MINK1: variants seen among roughly 807,000 people sequenced by gnomAD.
MINK1 encodes misshapen like kinase 1.
In MINK1, 46 loss-of-function variants were observed where a neutral mutation model predicts 178.4. The ratio of observed to expected loss-of-function variants is 0.26; its 90% confidence interval spans 0.20 to 0.33. The LOEUF is 0.33. MINK1 is among the 10% of genes least tolerant of loss of function. The pLI, the probability that MINK1 is intolerant of heterozygous loss-of-function variation, is 1.00. For missense variants in MINK1, 1,366 were observed against 1,814.9 expected, an observed-to-expected ratio of 0.75 and a Z score of 4.49; for synonymous variants, 797 against 709.7, an observed-to-expected ratio of 1.12 and a Z score of -1.96.
intron 1 of MINK1, among the ~76,000 whole-genome samples, chr17:4,834,437 G>A (rs1430983272): frequency 6.6e-6 from 1 of 152,184 alleles, no homozygotes; most frequent in Non-Finnish European, 1.5e-5. Flanking sequence ...CAGGCTGAAG[G>A]TTTGGAAAGG....
In MINK1 at chr17:4,896,858, A is replaced by G. The variant is rs1969558155; in HGVS notation, c.3915+45A>G. ...TGAAAGCCCTGCTGTCCCGGCTGCC[A>G]TGACCCTAGGCCCCTGGGCAGAGTT... On this transcript the variant is annotated intron_variant, in intron 31 of 31. Coordinates refer to ENST00000355280, the MANE Select transcript of MINK1 (RefSeq NM_153827.5). The surrounding 1 kb of genome is among the most constrained non-coding windows in gnomAD (Gnocchi z 4.6). 6.5e-7 allele frequency: 1 copy of G among 1,529,562 alleles called. No individual in the cohort carries two copies. The highest frequency in any genetic ancestry group is 8.8e-7 in the Non-Finnish European group (1 of 1,140,142). 94.7% of individuals were successfully genotyped at this position (1,529,562 alleles called of 1,614,324 possible).
At chr17:4,873,933 T>C (rs977917908) in intron 1 of MINK1, among the ~76,000 whole-genome samples, 3 of 152,044 alleles carry the variant, frequency 2.0e-5, no homozygotes, top group Non-Finnish European at 4.4e-5. Flanking sequence ...AGGTGGACTT[T>C]TTACACAATC....
chr17:4,873,737 G>T (rs886154386), intron 1 of MINK1, among the ~76,000 whole-genome samples: 2 of 149,588 alleles, frequency 1.3e-5, no homozygotes, highest in East Asian at 3.9e-4. Flanking sequence ...TCCTGCCTCA[G>T]CCTCCCAAGT....
At position 4,885,995 on chromosome 17, in the gene MINK1, G is replaced by A. The variant is rs761037282; in HGVS notation, c.694+30G>A. The A allele has an allele frequency of 2.5e-6, 4 of 1,613,358 alleles. No homozygotes were observed. Among genetic ancestry groups the A allele is most frequent in the Non-Finnish European group, 3.4e-6 (4 of 1,179,350 alleles). ...GTTCTGAGTCTGCCGGGAGTGGGAG[G>A]GGAGGGAAAGGAAGGGCCCAGAGAG... is the stretch of plus-strand genomic sequence containing the variant. On this transcript the variant is annotated intron_variant, in intron 8 of 31. Transcript: ENST00000355280. This position sits in a 1 kb window ranked among gnomAD's most constrained non-coding sequence, Gnocchi z 5.0.
chr17:4,878,209 T>C (rs2150979712), intron 1 of MINK1, 108 bp from the exon 2 acceptor site: 1 of 959,974 alleles, frequency 1.0e-6, no homozygotes, highest in Non-Finnish European at 1.6e-6. Flanking sequence ...CCTCCTGATA[T>C]GCTGGTCTTC....
intron 4 of MINK1, chr17:4,883,423 C>G (rs1967896732): frequency 6.6e-6 from 1 of 150,812 alleles, no homozygotes; most frequent in Non-Finnish European, 1.5e-5. Flanking sequence ...CCAGGATGGT[C>G]TCGAATTCCT....
intron 1 of MINK1, chr17:4,875,540 AG>A (rs567329851): frequency 8.9e-6 from 4 of 451,066 alleles, no homozygotes; most frequent in South Asian, 6.3e-5. Flanking sequence ...TGGGAGGCTG[AG>A]GTGGGTGGAT....
chr17:4,894,161 C>G lies in MINK1; in HGVS notation c.2671-13C>G, dbSNP rs1454626106. The G allele has an allele frequency of 6.8e-6, 11 of 1,613,512 alleles. No homozygotes were observed. Among genetic ancestry groups the G allele is most frequent in the Non-Finnish European group, 8.5e-6 (10 of 1,179,684 alleles). On this transcript the variant is annotated splice_polypyrimidine_tract_variant and intron_variant, in intron 22 of 31. Coordinates refer to ENST00000355280, the MANE Select transcript of MINK1 (RefSeq NM_153827.5). This position sits in a 1 kb window ranked among gnomAD's most constrained non-coding sequence, Gnocchi z 4.1. ...TCCTCAGCCCCACGCCAACCCTGCC[C>G]TCTGTCCTGTAGACCCCTGAAGAGG...
Position 4,889,746 on chromosome 17 carries a change from C to A in MINK1, c.1330C>A (p.Gln444Lys). The stretch of plus-strand genomic sequence containing the variant: ...TCTGCGGCGGGAGGAGGAGCGGCGG[C>A]AGGCGGAGCGCGAGCAGGTAGAGCG... The part of the protein sequence containing the change: ...QALRREEERR[Q>K]AEREQEYKRK... The change falls in exon 13 of 32, where the codon CAG becomes AAG. Residue 444 changes from glutamine (Q) to lysine (K), a missense_variant. Around this residue, in one of 14 missense-constraint regions of MINK1, gnomAD observed 87 missense variants for 78.9 expected, o/e 1.10. Coordinates refer to ENST00000355280, the MANE Select transcript of MINK1 (RefSeq NM_153827.5). 6.5e-7 allele frequency: 1 copy of A among 1,541,976 alleles called. No homozygotes were observed. Among genetic ancestry groups the A allele is most frequent in the Non-Finnish European group, 8.7e-7 (1 of 1,146,806 alleles).
At chr17:4,891,804 A>G (rs1212705565) in intron 16 of MINK1, 88 bp downstream of exon 16, 1 of 1,471,330 alleles carries the variant, frequency 6.8e-7, no homozygotes, top group Admixed American at 2.3e-5. Context: ...ACATGGAGGA[A>G]GAGTGCAGGG....
At position 4,834,958 on chromosome 17, in the gene MINK1, G is replaced by GT. The variant is rs551688577; in HGVS notation, c.57+1326dup. 253 of 434,850 alleles carry GT rather than the reference G, an allele frequency of 5.8e-4. 1 individual carries two copies. The highest frequency in any genetic ancestry group is 4.8e-3 in the African/African-American group (238 of 49,142). The allele number at this position is 434,850 out of a possible 1,614,324, so 26.9% of individuals were successfully genotyped here. On this transcript the variant is annotated intron_variant, in intron 1 of 31. Coordinates refer to ENST00000355280, the MANE Select transcript of MINK1 (RefSeq NM_153827.5). Reference sequence around the variant, plus strand: ...TAATTGGGTTTCTCTAGGTGACACAGTTTTTTTTCTTCCCATTTTCAGGTC... The same window carrying GT: ...TAATTGGGTTTCTCTAGGTGACACAGTTTTTTTTTCTTCCCATTTTCAGGTC...
rs397857604 is a variant in MINK1 at position 4,859,788 on chromosome 17, CAAAAAAAAAAAAA to C, written c.58-18514_58-18502del. 4.3e-3 allele frequency among the ~76,000 whole-genome samples: 224 copies of C among 51,910 alleles called. 1 individual carries two copies. Among genetic ancestry groups the C allele is most frequent in the African/African-American group, 0.022 (207 of 9,324 alleles). 34.1% of individuals were successfully genotyped at this position (51,910 alleles called of 152,430 possible). On this transcript the variant is annotated intron_variant, in intron 1 of 31. Coordinates refer to ENST00000355280, the MANE Select transcript of MINK1 (RefSeq NM_153827.5). ...GGGTGACAAGAGCGAAACTCCATCT[CAAAAAAAAAAAAA>C]AAAAAAAAAAAAAAGATGCTGGCTA... is the stretch of plus-strand genomic sequence containing the variant.
Position 4,894,574 on chromosome 17 carries a change from T to C in MINK1, c.2858T>C (p.Met953Thr), listed in dbSNP as rs377018493. ...GCCCCTGGCAAGAGCTCGTTCACGA[T>C]GTTTGTGGATCTAGGGATCTACCAG... ...VKAPGKSSFT[M>T]FVDLGIYQPG... The change falls in exon 24 of 32, where the codon ATG becomes ACG. Residue 953 changes from methionine to threonine, a missense_variant. Met to Thr is a moderately conservative substitution (Grantham distance 81). Around this residue, in one of 14 missense-constraint regions of MINK1, gnomAD observed 709 missense variants for 692.3 expected, o/e 1.02. Transcript: ENST00000355280. This position sits in a 1 kb window ranked among gnomAD's most constrained non-coding sequence, Gnocchi z 4.1. The C allele has an allele frequency of 2.5e-6, 4 of 1,609,612 alleles. No individual in the cohort carries two copies. The highest frequency in any genetic ancestry group is 2.2e-5 in the South Asian group (2 of 90,018).
At chr17:4,889,418 G>C (rs760793780) in intron 12 of MINK1, among the ~76,000 whole-genome samples, 10 of 152,138 alleles carry the variant, frequency 6.6e-5, no homozygotes, top group Non-Finnish European at 1.2e-4. Context: ...CCACCCCACA[G>C]GCAGCAGTCA....
In MINK1 at chr17:4,890,945, T is replaced by A. The variant is rs1007030751; in HGVS notation, c.1567-6T>A. 4 of 1,553,522 alleles carry A rather than the reference T, an allele frequency of 2.6e-6. No individual in the cohort carries two copies. In the African/African-American group the frequency reaches 4.1e-5, roughly 16 times the overall value. On this transcript the variant is annotated splice_region_variant and splice_polypyrimidine_tract_variant and intron_variant, in intron 14 of 31. Coordinates refer to ENST00000355280, the MANE Select transcript of MINK1 (RefSeq NM_153827.5). ...CTGGCCTGCTTGACATCCCTTCACATCACAGGTAGAAGAGAGAACAAGGAT... is the reference window on the plus strand; with the variant it reads ...CTGGCCTGCTTGACATCCCTTCACAACACAGGTAGAAGAGAGAACAAGGAT...
At chr17:4,845,473 A>C (rs1374539328) in intron 1 of MINK1, among the ~76,000 whole-genome samples, 1 of 152,042 alleles carries the variant, frequency 6.6e-6, no homozygotes, top group African/African-American at 2.4e-5. Flanking sequence ...AGATCATAGA[A>C]TGTAACAGCA....
intron 1 of MINK1, chr17:4,847,117 A>C (rs1380186570): frequency 4.3e-6 from 2 of 460,784 alleles, no homozygotes; most frequent in Non-Finnish European, 8.8e-6. Flanking sequence ...AAGAGCTGTC[A>C]GTGGGAGGCC....
In MINK1 at chr17:4,893,538, C is replaced by G. The variant is rs199901826; in HGVS notation, c.2505C>G (p.Asp835Glu). The G allele has an allele frequency of 2.8e-5, 45 of 1,593,954 alleles. No homozygotes were observed. The highest frequency in any genetic ancestry group is 3.8e-5 in the Non-Finnish European group (44 of 1,165,650). Reference sequence around the variant, plus strand: ...GCGAGGAGGTGGAAAGCAGTGAGGACGACGAGGAGGAAGGCGAAGGCGGGC... The same window carrying G: ...GCGAGGAGGTGGAAAGCAGTGAGGAGGACGAGGAGGAAGGCGAAGGCGGGC... Reference protein sequence around the residue: ...SSSEEVESSEDDEEEGEGGPA... With the variant: ...SSSEEVESSEEDEEEGEGGPA... The change falls in exon 21 of 32, where the codon GAC (aspartate) becomes GAG (glutamate). Residue 835 changes from aspartate (D) to glutamate (E), a missense_variant. Physicochemically the swap from Asp to Glu is conservative, Grantham distance 45. This residue lies in a region of MINK1 where 709 missense variants were observed against 692.3 expected (regional missense o/e 1.02). Transcript: ENST00000355280.
intron 1 of MINK1, chr17:4,854,772 G>T: frequency 2.0e-6 from 1 of 495,342 alleles, no homozygotes; most frequent in South Asian, 1.5e-5. Flanking sequence ...GATAGACAGA[G>T]GACAAGTACT....
Sources: allele counts gnomAD v4.1 joint callset (sites outside exome capture counted in the v4.1 genomes callset), GRCh38; gene constraint gnomAD v4.1.1; regional missense constraint gnomAD v4.1.1; non-coding constraint Gnocchi (gnomAD v3.1); transcripts MANE v1.5; gene names NCBI Gene and HGNC (gene_info 2026-07-23, HGNC 2026-07-21).